MYO1D: variants seen among roughly 807,000 people sequenced by gnomAD.
The protein encoded by MYO1D is unconventional myosin-Id.
Under a neutral mutation model 122.0 loss-of-function variants are expected in MYO1D, and 83 were observed. That is an observed-to-expected ratio of 0.68 (90% CI 0.57 to 0.82). The LOEUF (loss-of-function observed/expected upper bound fraction) is 0.82. Ranked by LOEUF, MYO1D falls within the 40% of genes least tolerant of loss-of-function variation. The probability of loss-of-function intolerance (pLI) is 0.00; values close to 1 mark genes in which losing one functional copy is unlikely to be tolerated. For synonymous variants in MYO1D, 464 were observed against 446.9 expected (o/e 1.04, Z -0.48); for missense variants, 1,157 against 1,269.5 (o/e 0.91, Z 1.35).
chr17:32,654,302 C>T (rs576645421), intron 18 of MYO1D, among the ~76,000 whole-genome samples, 175 bp downstream of exon 18: 9 of 152,072 alleles, frequency 5.9e-5, no homozygotes, highest in South Asian at 2.1e-4. Context: ...CTTTTAAACA[C>T]GGGAGAAACA....
chr17:32,817,207 G>C (rs1168470276), intron 1 of MYO1D, among the ~76,000 whole-genome samples: 1 of 152,146 alleles, frequency 6.6e-6, no homozygotes, highest in African/African-American at 2.4e-5. Context: ...AGGATTATAG[G>C]CATGAGCCAC....
At chr17:32,836,023 G>A (rs2090819044) in intron 1 of MYO1D, among the ~76,000 whole-genome samples, 1 of 152,058 alleles carries the variant, frequency 6.6e-6, no homozygotes, top group Admixed American at 6.5e-5. Context: ...CTAAAAATAG[G>A]AAGAAAAACA....
chr17:32,784,907 T>G (rs908508563), intron 1 of MYO1D, among the ~76,000 whole-genome samples: 1 of 152,052 alleles, frequency 6.6e-6, no homozygotes, highest in Non-Finnish European at 1.5e-5. Flanking sequence ...TGGGGAACAG[T>G]TGGAAATGTA....
At chr17:32,677,588 TATATA>T (rs1228354343) in intron 16 of MYO1D, among the ~76,000 whole-genome samples, 1 of 13,350 alleles carries the variant, frequency 7.5e-5, no homozygotes, top group African/African-American at 2.6e-4. Context: ...TAAATATATA[TATATA>T]TATATATATA....
chr17:32,863,959 ATACCATACTGCCACTTT>A (rs990308659), intron 1 of MYO1D, among the ~76,000 whole-genome samples: 1 of 125,470 alleles, frequency 8.0e-6, no homozygotes, highest in Non-Finnish European at 1.6e-5. Flanking sequence ...TCATTATTTT[ATACCATACTGCCACTTT>A]TAAAATAATT....
intron 10 of MYO1D, 27 bp downstream of exon 10, chr17:32,760,263 A>C: frequency 2.0e-6 from 3 of 1,520,698 alleles, no homozygotes. Context: ...AAACACATGA[A>C]GGCATTTTCC....
intron 1 of MYO1D, among the ~76,000 whole-genome samples, chr17:32,854,199 T>C (rs919048339): frequency 1.3e-5 from 2 of 152,228 alleles, no homozygotes; most frequent in Non-Finnish European, 2.9e-5. Flanking sequence ...ATTGCAAGCA[T>C]AGGCAATAGG....
intron 16 of MYO1D, among the ~76,000 whole-genome samples, chr17:32,697,954 C>A (rs1055840157): frequency 6.6e-6 from 1 of 152,194 alleles, no homozygotes; most frequent in Non-Finnish European, 1.5e-5. Flanking sequence ...TTGAATGATG[C>A]CACTATGGTA....
chr17:32,586,857 T>A (rs1025299286), intron 21 of MYO1D, among the ~76,000 whole-genome samples: 2 of 152,208 alleles, frequency 1.3e-5, no homozygotes, highest in African/African-American at 2.4e-5. Context: ...GAAGATGCTT[T>A]CCAGTGTCTC....
chr17:32,831,794 C>G (rs1252953429), intron 1 of MYO1D, among the ~76,000 whole-genome samples: 2 of 152,180 alleles, frequency 1.3e-5, no homozygotes, highest in Non-Finnish European at 2.9e-5. Flanking sequence ...TATTCTTAAA[C>G]AAATATTTAG....
intron 21 of MYO1D, among the ~76,000 whole-genome samples, chr17:32,526,922 T>A (rs963207903): frequency 1.3e-5 from 2 of 152,234 alleles, no homozygotes; most frequent in African/African-American, 4.8e-5. Context: ...AGAGAATCCT[T>A]CTTACAGTAG....
At chr17:32,824,787 T>G (rs2090706681) in intron 1 of MYO1D, among the ~76,000 whole-genome samples, 1 of 152,166 alleles carries the variant, frequency 6.6e-6, no homozygotes, top group African/African-American at 2.4e-5. Flanking sequence ...ATTATTTAAT[T>G]TGAATGTATG....
At chr17:32,779,854 G>C (rs1274473826) in intron 2 of MYO1D, among the ~76,000 whole-genome samples, 1 of 152,090 alleles carries the variant, frequency 6.6e-6, no homozygotes, top group African/African-American at 2.4e-5. Flanking sequence ...TCACCAAAAT[G>C]GAATAATGAT....
At chr17:32,829,849 C>CTA (rs1488859876) in intron 1 of MYO1D, among the ~76,000 whole-genome samples, 3 of 152,112 alleles carry the variant, frequency 2.0e-5, no homozygotes, top group African/African-American at 7.2e-5. Context: ...TGAAAAGTCC[C>CTA]TAGCATGAGA....
At chr17:32,814,338 G>A (rs540193475) in intron 1 of MYO1D, among the ~76,000 whole-genome samples, 24 of 152,278 alleles carry the variant, frequency 1.6e-4, no homozygotes, top group African/African-American at 2.4e-4. Context: ...GCAAGACTCC[G>A]TCTCAAGAAA....
At chr17:32,618,172 G>A (rs1299262864) in intron 20 of MYO1D, among the ~76,000 whole-genome samples, 1 of 152,176 alleles carries the variant, frequency 6.6e-6, no homozygotes, top group Admixed American at 6.5e-5. Context: ...CATGAGCTTT[G>A]AGCAGTAATG....
intron 21 of MYO1D, among the ~76,000 whole-genome samples, chr17:32,588,032 T>C: frequency 6.6e-6 from 1 of 152,368 alleles, no homozygotes; most frequent in Non-Finnish European, 1.5e-5. Context: ...TTTTGGTAAA[T>C]CTATAAATTT....
At chr17:32,842,443 T>G (rs1003942978) in intron 1 of MYO1D, among the ~76,000 whole-genome samples, 1 of 152,166 alleles carries the variant, frequency 6.6e-6, no homozygotes, top group South Asian at 2.1e-4. Flanking sequence ...TTCTGATATT[T>G]TTCTTGATTA....
chr17:32,513,186 TGATAGA>T (rs1017366661), intron 21 of MYO1D, among the ~76,000 whole-genome samples: 13 of 152,076 alleles, frequency 8.5e-5, no homozygotes, highest in Admixed American at 6.6e-5. Flanking sequence ...TACATGAAAT[TGATAGA>T]GATAAACTAG....
Sources: allele counts gnomAD v4.1 joint callset (sites outside exome capture counted in the v4.1 genomes callset), GRCh38; gene constraint gnomAD v4.1.1; transcripts MANE v1.5; gene names NCBI Gene and HGNC (gene_info 2026-07-23, HGNC 2026-07-21).